Variants in NCOA2 observed in about 807,000 individuals in gnomAD.
NCOA2 encodes the protein class E basic helix-loop-helix protein 75.
A neutral mutation model predicts 145.1 loss-of-function variants in NCOA2; 21 were observed. The observed-to-expected ratio is 0.14, with a 90% confidence interval of 0.10 to 0.21. NCOA2 has a LOEUF of 0.21. NCOA2 is among the 10% of genes least tolerant of loss of function. The pLI is 1.00. For missense variants in NCOA2, 1,472 were observed against 1,837.6 expected, an observed-to-expected ratio of 0.80 and a Z score of 3.64; for synonymous variants, 619 against 637.5, an observed-to-expected ratio of 0.97 and a Z score of 0.44.
the NCOA2 span, among the ~76,000 whole-genome samples, chr8:70,440,679 A>T: frequency 6.6e-6 from 1 of 151,892 alleles, no homozygotes; most frequent in African/African-American, 2.4e-5. Context: ...GAGAGAAAGA[A>T]AGAAAGAGAG....
intron 2 of NCOA2, among the ~76,000 whole-genome samples, chr8:70,221,110 G>A (rs1820097039): frequency 6.6e-6 from 1 of 152,182 alleles, no homozygotes; most frequent in Non-Finnish European, 1.5e-5. Context: ...AAGACTTAGA[G>A]ATTTCCGAGG....
chr8:70,321,491 C>T (rs1806057512), intron 1 of NCOA2, among the ~76,000 whole-genome samples: 1 of 151,748 alleles, frequency 6.6e-6, no homozygotes, highest in African/African-American at 2.4e-5. Context: ...CACTTTGTAA[C>T]CCATAAGTAT....
intron 2 of NCOA2, among the ~76,000 whole-genome samples, chr8:70,253,292 C>G (rs151104744): frequency 1.5e-3 from 228 of 152,084 alleles, no homozygotes; most frequent in African/African-American, 5.2e-3. Flanking sequence ...CTTTTTTTAG[C>G]TCTAAGTTAA....
chr8:70,306,333 C>A (rs1303178449), intron 1 of NCOA2, among the ~76,000 whole-genome samples: 2 of 152,156 alleles, frequency 1.3e-5, no homozygotes, highest in Non-Finnish European at 2.9e-5. Flanking sequence ...ATCATTAAAA[C>A]TTGGGCCTCA....
At chr8:70,233,181 G>A (rs910576215) in intron 2 of NCOA2, among the ~76,000 whole-genome samples, 9 of 151,694 alleles carry the variant, frequency 5.9e-5, no homozygotes, top group Non-Finnish European at 1.0e-4. Context: ...AGCTGAGATC[G>A]CACCACTACA....
intron 1 of NCOA2, among the ~76,000 whole-genome samples, chr8:70,362,389 G>T (rs1340835971): frequency 6.6e-6 from 1 of 151,870 alleles, no homozygotes; most frequent in Non-Finnish European, 1.5e-5. Flanking sequence ...CCAAAAACTG[G>T]GAGAAAATAA....
intron 4 of NCOA2, among the ~76,000 whole-genome samples, chr8:70,208,790 GAA>G (rs757707786): frequency 9.9e-5 from 15 of 152,194 alleles, no homozygotes; most frequent in East Asian, 1.9e-4. Context: ...GTACTGCTTA[GAA>G]AAAGATTCCT....
chr8:70,139,834 G>C (rs1014659587), intron 14 of NCOA2, among the ~76,000 whole-genome samples: 1 of 151,732 alleles, frequency 6.6e-6, no homozygotes, highest in Non-Finnish European at 1.5e-5. Context: ...TGTATTTTTA[G>C]CAGAGACCGG....
At chr8:70,209,687 C>T (rs1402586757) in intron 4 of NCOA2, among the ~76,000 whole-genome samples, 2 of 152,196 alleles carry the variant, frequency 1.3e-5, no homozygotes, top group African/African-American at 2.4e-5. Context: ...CTTGTTATAG[C>T]ACTTTCTAGC....
chr8:70,242,724 T>G (rs903241594), intron 2 of NCOA2, among the ~76,000 whole-genome samples: 1 of 152,112 alleles, frequency 6.6e-6, no homozygotes, highest in Non-Finnish European at 1.5e-5. Context: ...TAATCCTGCC[T>G]AAATCTTCCC....
chr8:70,448,689 A>C, the NCOA2 span, among the ~76,000 whole-genome samples: 1 of 152,196 alleles, frequency 6.6e-6, no homozygotes, highest in Admixed American at 6.5e-5. Context: ...AAAATGTTAA[A>C]ATGTCCCTTG....
chr8:70,144,982 C>G, intron 12 of NCOA2, 134 bp from the exon 13 acceptor site: 1 of 729,770 alleles, frequency 1.4e-6, no homozygotes. Context: ...AGATAAAAGA[C>G]AAAATCACAG....
intron 2 of NCOA2, among the ~76,000 whole-genome samples, chr8:70,230,668 G>C (rs1243231844): frequency 6.6e-6 from 1 of 152,136 alleles, no homozygotes; most frequent in African/African-American, 2.4e-5. Flanking sequence ...AAAGAGATTA[G>C]AGTAAGAATT....
intron 2 of NCOA2, among the ~76,000 whole-genome samples, chr8:70,225,394 C>T (rs1820533493): frequency 6.6e-6 from 1 of 151,684 alleles, no homozygotes; most frequent in African/African-American, 2.4e-5. Context: ...TAAAAAAATA[C>T]AAAAATTAGC....
upstream of NCOA2, among the ~76,000 whole-genome samples, chr8:70,404,732 C>G (rs914677334): frequency 2.6e-5 from 4 of 152,178 alleles, no homozygotes; most frequent in African/African-American, 9.7e-5. Context: ...AAAGTCCATT[C>G]TCTAGACATC....
intron 1 of NCOA2, among the ~76,000 whole-genome samples, chr8:70,337,845 C>T (rs1346901789): frequency 6.6e-6 from 1 of 152,124 alleles, no homozygotes; most frequent in East Asian, 1.9e-4. Context: ...CTGAATGACT[C>T]TTGGTAAATA....
chr8:70,244,210 G>A (rs941262921), intron 2 of NCOA2, among the ~76,000 whole-genome samples: 2 of 152,038 alleles, frequency 1.3e-5, no homozygotes, highest in African/African-American at 4.8e-5. Context: ...CAGCCCATCT[G>A]CTCTAGAAGT....
intron 9 of NCOA2, among the ~76,000 whole-genome samples, chr8:70,160,649 A>AAGTGAGAGACAGAGAGAG (rs1812835463): frequency 3.0e-5 from 1 of 33,412 alleles, no homozygotes; most frequent in East Asian, 4.3e-4. Context: ...AAACTGCCAC[A>AAGTGAGAGACAGAGAGAG]AGTGAGAGAC....
chr8:70,141,279 C>T lies in NCOA2; in HGVS notation c.2933G>A (p.Gly978Glu). 2 of 1,613,956 alleles carry T rather than the reference C, an allele frequency of 1.2e-6. No homozygotes were observed. Among genetic ancestry groups the T allele is most frequent in the Non-Finnish European group, 1.7e-6 (2 of 1,179,884 alleles). ...TTSAMNRPVQ[G>E]GMIRNPAASI... ...GGCTGCTGGGTTCCGAATCATACCT[C>T]CTTGGACTGGCCGGTTCATGGCACT... The change falls in exon 14 of 23, where the codon GGA (glycine) becomes GAA (glutamate). Residue 978 changes from glycine to glutamate, a missense_variant. By Grantham distance (98) the Gly-to-Glu change is moderately conservative. This residue lies in a region of NCOA2 where 953 missense variants were observed against 1,062.1 expected (regional missense o/e 0.90). Transcript: ENST00000452400.
Sources: gnomAD v4.1 joint callset for allele counts (sites outside exome capture counted in the v4.1 genomes callset) on GRCh38, gnomAD v4.1.1 for gene constraint, gnomAD v4.1.1 regional missense constraint, MANE v1.5 for transcripts, NCBI Gene and HGNC (gene_info 2026-07-23, HGNC 2026-07-21) for gene names.